C8orf74: variants seen among roughly 807,000 people sequenced by gnomAD.
C8orf74 encodes uncharacterized protein C8orf74.
A neutral mutation model predicts 22.2 loss-of-function variants in C8orf74; 29 were observed. The observed-to-expected ratio is 1.31, with a 90% CI of 0.97 to 1.78. C8orf74 has a LOEUF of 1.78. Ranked by LOEUF, C8orf74 falls within the 40% of genes most tolerant of loss-of-function variation. The probability of loss-of-function intolerance (pLI) is 0.00; values close to 1 mark genes in which losing one functional copy is unlikely to be tolerated. For missense variants in C8orf74, 515 were observed against 369.9 expected (o/e 1.39, Z -3.22); for synonymous variants, 255 against 163.1 (o/e 1.56, Z -4.30).
chr8:10,681,223 G>T (rs541804543), intron 2 of C8orf74, among the ~76,000 whole-genome samples: 37 of 152,198 alleles, frequency 2.4e-4, no homozygotes, highest in African/African-American at 7.9e-4. Context: ...CCTGGCAAAC[G>T]CCTCTCCAGG....
intron 2 of C8orf74, among the ~76,000 whole-genome samples, chr8:10,681,929 A>T (rs1799160001): frequency 6.6e-6 from 1 of 152,246 alleles, no homozygotes; most frequent in African/African-American, 2.4e-5. Flanking sequence ...CAGGTAGCCT[A>T]GGATGGGAAG....
At chr8:10,699,305 G>A (rs1799600950) in intron 3 of C8orf74, among the ~76,000 whole-genome samples, 1 of 152,266 alleles carries the variant, frequency 6.6e-6, no homozygotes, top group African/African-American at 2.4e-5. Flanking sequence ...CTATGCACCT[G>A]AGATGGGGCA....
chr8:10,674,874 G>A (rs1473872567), intron 2 of C8orf74, 36 bp downstream of exon 2: 2 of 1,534,886 alleles, frequency 1.3e-6, no homozygotes, highest in South Asian at 2.5e-5. Context: ...AGCAGAGGCT[G>A]GCGGGATGGG....
At chr8:10,674,265 C>T (rs1798979849) in intron 1 of C8orf74, among the ~76,000 whole-genome samples, 4 of 142,876 alleles carry the variant, frequency 2.8e-5, no homozygotes, top group East Asian at 2.2e-4. Flanking sequence ...TCATACCCTG[C>T]AGCCCCCATA....
At chr8:10,689,813 A>T (rs1218649486) in intron 2 of C8orf74, 2 of 152,358 alleles carry the variant, frequency 1.3e-5, no homozygotes, top group Admixed American at 6.5e-5. Flanking sequence ...ATTAAGCGGA[A>T]GTGGATTATC....
intron 2 of C8orf74, among the ~76,000 whole-genome samples, chr8:10,681,804 G>C (rs2129056858): frequency 6.6e-6 from 1 of 152,334 alleles, no homozygotes; most frequent in South Asian, 2.1e-4. Context: ...GGCGGGACTT[G>C]TGACCGGTCA....
At chr8:10,686,159 C>T (rs1799258246) in intron 2 of C8orf74, among the ~76,000 whole-genome samples, 1 of 152,162 alleles carries the variant, frequency 6.6e-6, no homozygotes, top group Non-Finnish European at 1.5e-5. Flanking sequence ...TCTAAGAATG[C>T]TAGTGGACAT....
intron 3 of C8orf74, among the ~76,000 whole-genome samples, chr8:10,699,133 G>A (rs554924246): frequency 9.9e-4 from 151 of 152,260 alleles, no homozygotes; most frequent in Non-Finnish European, 1.9e-3. Flanking sequence ...TCTAGCACAC[G>A]GAGCAGGGTG....
In C8orf74 at chr8:10,674,722, G is replaced by T; in HGVS notation, c.125G>T (p.Ser42Ile). The change falls in exon 2 of 4, where the codon AGC (serine) becomes ATC (isoleucine). Residue 42 changes from serine to isoleucine, a missense_variant. Coordinates refer to ENST00000304519, the MANE Select transcript of C8orf74 (RefSeq NM_001040032.2). ...EFDEQRDSRR[S>I]ILLDTLYESI... ...GACGAACAGAGAGACTCCCGGAGGA[G>T]CATCCTGCTGGACACCCTCTACGAG... 6.2e-7 allele frequency: 1 copy of T among 1,608,614 alleles called. No individual in the cohort carries two copies.
At chr8:10,683,534 C>G (rs141286225) in intron 2 of C8orf74, among the ~76,000 whole-genome samples, 1 of 152,214 alleles carries the variant, frequency 6.6e-6, no homozygotes, top group East Asian at 1.9e-4. Context: ...ACTGCCTAGT[C>G]GCTTTCATCT....
intron 2 of C8orf74, among the ~76,000 whole-genome samples, chr8:10,683,177 A>G (rs1438471462): frequency 1.3e-5 from 2 of 152,240 alleles, no homozygotes; most frequent in African/African-American, 4.8e-5. Flanking sequence ...GAGCCAGGTC[A>G]CACACCTGCT....
At chr8:10,680,819 C>A (rs1388448655) in intron 2 of C8orf74, among the ~76,000 whole-genome samples, 1 of 152,164 alleles carries the variant, frequency 6.6e-6, no homozygotes, top group Non-Finnish European at 1.5e-5. Context: ...AAGTCAGGTC[C>A]CTGGCACATT....
rs1245421895 is a variant in C8orf74 at position 10,697,818 on chromosome 8, C to T, written c.461C>T (p.Ala154Val). 1.2e-6 allele frequency: 2 copies of T among 1,613,814 alleles called. No individual in the cohort carries two copies. The highest frequency in any genetic ancestry group is 2.2e-5 in the East Asian group (1 of 44,900). Reference protein sequence around the residue: ...VCMPPHPLPLAEGMDRDLWIH... With the variant: ...VCMPPHPLPLVEGMDRDLWIH... ...ATGCCACCCCATCCCCTCCCGCTGG[C>T]CGAGGGCATGGACAGGGACTTGTGG... The change falls in exon 3 of 4, where the codon GCC (alanine) becomes GTC (valine). Residue 154 changes from alanine to valine, a missense_variant. Physicochemically the swap from Ala to Val is moderately conservative, Grantham distance 64. Coordinates refer to ENST00000304519, the MANE Select transcript of C8orf74 (RefSeq NM_001040032.2).
At chr8:10,676,823 C>A (rs1799042397) in intron 2 of C8orf74, among the ~76,000 whole-genome samples, 1 of 152,138 alleles carries the variant, frequency 6.6e-6, no homozygotes, top group African/African-American at 2.4e-5. Flanking sequence ...GGTGTCTGAG[C>A]TCTAGAGGGG....
intron 2 of C8orf74, among the ~76,000 whole-genome samples, chr8:10,675,302 G>T (rs1799009872): frequency 6.6e-6 from 1 of 152,218 alleles, no homozygotes; most frequent in Admixed American, 6.5e-5. Flanking sequence ...AAGCAGCATT[G>T]CCCACTCCCT....
intron 2 of C8orf74, among the ~76,000 whole-genome samples, chr8:10,677,503 C>T (rs1799057740): frequency 1.3e-5 from 2 of 151,948 alleles, no homozygotes; most frequent in South Asian, 4.1e-4. Flanking sequence ...CATTATTTAC[C>T]ATATTTTAGT....
At chr8:10,697,543 C>T in intron 2 of C8orf74, 56 bp from the exon 3 acceptor site, 1 of 1,528,406 alleles carries the variant, frequency 6.5e-7, no homozygotes, top group South Asian at 1.2e-5. Flanking sequence ...ACATCCACTG[C>T]CTGGCAGGGC....
At position 10,700,515 on chromosome 8, in the gene C8orf74, C is replaced by A. The variant is rs546502052; in HGVS notation, c.*44C>A. ...CGAGACTGACTGGGGACCAGCCACCCATAACCATGAGCCTTGCGGCACGGT... is the reference window on the plus strand; with the variant it reads ...CGAGACTGACTGGGGACCAGCCACCAATAACCATGAGCCTTGCGGCACGGT... On this transcript the variant is annotated 3_prime_UTR_variant, in exon 4 of 4. Transcript: ENST00000304519. 2 of 1,311,556 alleles carry A rather than the reference C, an allele frequency of 1.5e-6. No homozygotes were observed. The highest frequency in any genetic ancestry group is 1.5e-5 in the African/African-American group (1 of 67,228). 81.2% of individuals were successfully genotyped at this position (1,311,556 alleles called of 1,614,324 possible).
chr8:10,682,100 G>C (rs1799164012), intron 2 of C8orf74, among the ~76,000 whole-genome samples: 2 of 152,178 alleles, frequency 1.3e-5, no homozygotes, highest in Admixed American at 6.5e-5. Context: ...AGCCTCTCAA[G>C]ACCCCTGAAG....
Sources: gnomAD v4.1 joint callset for allele counts (sites outside exome capture counted in the v4.1 genomes callset) on GRCh38, gnomAD v4.1.1 for gene constraint, MANE v1.5 for transcripts, NCBI Gene and HGNC (gene_info 2026-07-23, HGNC 2026-07-21) for gene names.